Variants in PCDH17 observed in about 807,000 individuals in gnomAD.
PCDH17 encodes the protein protocadherin 17, also known as protocadherin-17.
In PCDH17, 21 loss-of-function variants were observed where a neutral mutation model predicts 67.7. That is an observed-to-expected ratio of 0.31 (90% CI 0.22 to 0.45). The LOEUF (loss-of-function observed/expected upper bound fraction) is 0.45, where lower values mean the gene tolerates loss of function less well. Among genes scored for constraint, PCDH17 ranks in the 20% least tolerant of loss-of-function variants. The pLI is 1.00. For synonymous variants in PCDH17, 701 were observed against 656.7 expected (o/e 1.07, Z -1.03); for missense variants, 1,471 against 1,564.8 (o/e 0.94, Z 1.01).
intron 3 of PCDH17, among the ~76,000 whole-genome samples, chr13:57,713,871 TA>T (rs1397509130): frequency 3.3e-5 from 5 of 151,462 alleles, no homozygotes; most frequent in South Asian, 2.1e-4. Flanking sequence ...TTTGAATCTT[TA>T]AAAAAACCTT....
Position 57,728,014 on chromosome 13 carries a change from A to C in PCDH17, c.*2720A>C, listed in dbSNP as rs1324490468. The C allele has an allele frequency of 6.6e-6, 1 of 152,600 alleles. No homozygotes were observed. Among genetic ancestry groups the C allele is most frequent in the Non-Finnish European group, 1.5e-5 (1 of 68,004 alleles). The allele number at this position is 152,600 out of a possible 1,614,324, so 9.5% of individuals were successfully genotyped here. On this transcript the variant is annotated 3_prime_UTR_variant, in exon 4 of 4. Transcript: ENST00000377918. ...GGTTGTGCCAATGTGTGAGGGATTT[A>C]CCTTTAGGCTCTCTGTCACCAGTGA... is the stretch of plus-strand genomic sequence containing the variant.
intron 3 of PCDH17, among the ~76,000 whole-genome samples, chr13:57,690,394 G>A (rs1439468237): frequency 1.3e-5 from 2 of 151,594 alleles, no homozygotes; most frequent in Non-Finnish European, 1.5e-5. Context: ...TAACTTTTAA[G>A]AATTACTATA....
intron 1 of PCDH17, among the ~76,000 whole-genome samples, chr13:57,665,755 A>T (rs1337700725): frequency 6.6e-6 from 1 of 152,222 alleles, no homozygotes; most frequent in Non-Finnish European, 1.5e-5. Context: ...CAGTAAAAAC[A>T]ACCGCAAAAA....
chr13:57,684,880 T>G (rs1955491794), intron 3 of PCDH17, among the ~76,000 whole-genome samples: 1 of 151,984 alleles, frequency 6.6e-6, no homozygotes. Flanking sequence ...CCATCAATGT[T>G]TGAGTGATAT....
chr13:57,645,091 G>C (rs1954949225), intron 1 of PCDH17, among the ~76,000 whole-genome samples: 2 of 151,508 alleles, frequency 1.3e-5, no homozygotes, highest in Admixed American at 1.3e-4. Context: ...ATTTCTTTTT[G>C]TAGTTGTTGT....
chr13:57,633,774 G>C lies in PCDH17; in HGVS notation c.1228G>C (p.Val410Leu). ...GGGCCTGGGCGGGCCCGGGGGTTCC[G>C]TCCCCTTCAAGCTTGAGGAGAACTA... ...GGGLGGPGGS[V>L]PFKLEENYDN... Residue 410 changes from valine to leucine, a missense_variant, in exon 1 of 4, where the codon GTC becomes CTC. Transcript: ENST00000377918. The surrounding 1 kb of genome is among the most constrained non-coding windows in gnomAD (Gnocchi z 6.2). The C allele has an allele frequency of 1.3e-6, 2 of 1,598,408 alleles. No individual in the cohort carries two copies. The highest frequency in any genetic ancestry group is 1.7e-6 in the Non-Finnish European group (2 of 1,176,008).
Position 57,632,696 on chromosome 13 carries a change from T to A in PCDH17, c.150T>A (p.Pro50=). ...RDARLQPGLP[P]AERGGGGRSK... Reference sequence around the variant, plus strand: ...CTCGACTGCAGCCTGGGCTTCCGCCTGCAGAGCGCGGCGGCGGAGGGCGCA... The same window carrying A: ...CTCGACTGCAGCCTGGGCTTCCGCCAGCAGAGCGCGGCGGCGGAGGGCGCA... Residue 50 remains proline (P), a synonymous_variant, in exon 1 of 4, where the codon CCT becomes CCA. Coordinates refer to ENST00000377918, the MANE Select transcript of PCDH17 (RefSeq NM_001040429.3). 1 of 1,611,642 alleles carries A rather than the reference T, an allele frequency of 6.2e-7. No individual in the cohort carries two copies. Among genetic ancestry groups the A allele is most frequent in the Non-Finnish European group, 8.5e-7 (1 of 1,179,916 alleles).
chr13:57,691,349 G>A (rs1392287297), intron 3 of PCDH17, among the ~76,000 whole-genome samples: 1 of 150,972 alleles, frequency 6.6e-6, no homozygotes, highest in Non-Finnish European at 1.5e-5. Context: ...AGGGTGAAAG[G>A]GACACTTTTA....
intron 3 of PCDH17, among the ~76,000 whole-genome samples, chr13:57,689,367 G>A (rs1009409765): frequency 6.6e-5 from 10 of 151,996 alleles, no homozygotes; most frequent in Non-Finnish European, 1.3e-4. Context: ...CATGGCTGAG[G>A]GAGAAGGGGC....
chr13:57,690,161 A>G (rs1251305724), intron 3 of PCDH17, among the ~76,000 whole-genome samples: 2 of 151,748 alleles, frequency 1.3e-5, no homozygotes, highest in South Asian at 2.1e-4. Flanking sequence ...ATTTCATATT[A>G]GGTTTTTAAA....
intron 1 of PCDH17, among the ~76,000 whole-genome samples, chr13:57,641,012 T>C (rs1258222045): frequency 5.9e-5 from 9 of 151,956 alleles, no homozygotes; most frequent in Admixed American, 5.9e-4. Context: ...TAGGGAGGGA[T>C]TTTTTGTGTA....
At chr13:57,638,885 G>A (rs1191858032) in intron 1 of PCDH17, among the ~76,000 whole-genome samples, 4 of 151,764 alleles carry the variant, frequency 2.6e-5, no homozygotes, top group Non-Finnish European at 1.5e-5. Context: ...CTTCACTATG[G>A]GGACTTATTC....
intron 1 of PCDH17, among the ~76,000 whole-genome samples, chr13:57,643,251 T>C (rs1398268686): frequency 6.6e-6 from 1 of 151,556 alleles, no homozygotes; most frequent in African/African-American, 2.4e-5. Flanking sequence ...GTAGATAAAA[T>C]GAAATTAAGA....
At chr13:57,678,609 T>A (rs1220531419) in intron 3 of PCDH17, among the ~76,000 whole-genome samples, 1 of 151,622 alleles carries the variant, frequency 6.6e-6, no homozygotes, top group Non-Finnish European at 1.5e-5. Flanking sequence ...AGTCCATTAA[T>A]CTCTTATTTC....
intron 3 of PCDH17, among the ~76,000 whole-genome samples, chr13:57,714,350 C>T (rs576990759): frequency 2.0e-5 from 3 of 151,812 alleles, no homozygotes; most frequent in African/African-American, 7.2e-5. Flanking sequence ...ATAAGACTCT[C>T]TTGCTTGCTT....
In PCDH17 at chr13:57,633,669, C is replaced by T; in HGVS notation, c.1123C>T (p.Arg375Trp). Residue 375 changes from arginine (R) to tryptophan (W), a missense_variant, in exon 1 of 4, where the codon CGG (arginine) becomes TGG (tryptophan). Arg to Trp is a moderately radical substitution (Grantham distance 101). Coordinates refer to ENST00000377918, the MANE Select transcript of PCDH17 (RefSeq NM_001040429.3). The surrounding 1 kb of genome is among the most constrained non-coding windows in gnomAD (Gnocchi z 6.2). ...APPGTVIALVRVTDRDSGKNG... is the reference protein window; with the variant it reads ...APPGTVIALVWVTDRDSGKNG... ...TCCCGGCACCGTCATCGCCCTGGTGCGGGTCACTGACCGGGACTCTGGCAA... is the reference window on the plus strand; with the variant it reads ...TCCCGGCACCGTCATCGCCCTGGTGTGGGTCACTGACCGGGACTCTGGCAA... 1 of 1,604,944 alleles carries T rather than the reference C, an allele frequency of 6.2e-7. No homozygotes were observed. Among genetic ancestry groups the T allele is most frequent in the Non-Finnish European group, 8.5e-7 (1 of 1,179,558 alleles).
chr13:57,725,581 A>G lies in PCDH17; in HGVS notation c.*287A>G. ...GAAAAAGGAGAGATGAAAAAGGAGG[A>G]TGAGGAGAAGAATTACCTTTTGACA... On this transcript the variant is annotated 3_prime_UTR_variant, in exon 4 of 4. Coordinates refer to ENST00000377918, the MANE Select transcript of PCDH17 (RefSeq NM_001040429.3). 3.0e-6 allele frequency: 1 copy of G among 334,896 alleles called. No individual in the cohort carries two copies. 20.7% of individuals were successfully genotyped at this position (334,896 alleles called of 1,614,324 possible). A position where few individuals can be genotyped will look rare whatever the true frequency, so the allele number is the denominator to read the frequency against.
chr13:57,645,959 T>A (rs2137991771), intron 1 of PCDH17, among the ~76,000 whole-genome samples: 1 of 151,608 alleles, frequency 6.6e-6, no homozygotes, highest in Non-Finnish European at 1.5e-5. Context: ...GTGGAAATGC[T>A]CCATAAAGTA....
intron 1 of PCDH17, among the ~76,000 whole-genome samples, chr13:57,646,126 A>G (rs1954962684): frequency 6.6e-6 from 1 of 151,618 alleles, no homozygotes; most frequent in Non-Finnish European, 1.5e-5. Context: ...TAATCAGAAA[A>G]TAAAAATATG....
Sources: gnomAD v4.1 joint callset for allele counts (sites outside exome capture counted in the v4.1 genomes callset) on GRCh38, gnomAD v4.1.1 for gene constraint, Gnocchi (gnomAD v3.1) non-coding constraint, MANE v1.5 for transcripts, NCBI Gene and HGNC (gene_info 2026-07-23, HGNC 2026-07-21) for gene names.